Variants in GM2A observed in about 807,000 individuals in gnomAD.
The protein encoded by GM2A is ganglioside GM2 activator, also known as GM2 ganglioside activator.
Under a neutral mutation model 12.9 loss-of-function variants are expected in GM2A, and 7 were observed. The ratio of observed to expected loss-of-function variants is 0.54; its 90% CI spans 0.31 to 1.02. GM2A has a LOEUF of 1.02. GM2A is among the 50% of genes least tolerant of loss of function. The probability of loss-of-function intolerance (pLI) is 0.05; values close to 1 mark genes in which losing one functional copy is unlikely to be tolerated. For missense variants in GM2A, 246 were observed against 241.0 expected, an observed-to-expected ratio of 1.02 and a Z score of -0.14; for synonymous variants, 101 against 96.0, an observed-to-expected ratio of 1.05 and a Z score of -0.30.
intron 3 of GM2A, 191 bp from the exon 4 acceptor site, chr5:151,267,105 T>C (rs1386186484): frequency 1.2e-6 from 1 of 858,120 alleles, no homozygotes; most frequent in East Asian, 2.6e-5. Flanking sequence ...TGAACTTAGA[T>C]GTGATCTTCA....
intron 2 of GM2A, among the ~76,000 whole-genome samples, chr5:151,262,583 C>T (rs1001904067): frequency 1.6e-4 from 24 of 152,250 alleles, no homozygotes; most frequent in Admixed American, 1.4e-3. Context: ...AGCTCCCCTG[C>T]ACCTCCTACC....
intron 2 of GM2A, among the ~76,000 whole-genome samples, chr5:151,262,068 A>G (rs1227157884): frequency 1.3e-5 from 2 of 152,178 alleles, no homozygotes; most frequent in African/African-American, 2.4e-5. Flanking sequence ...GTAGATGTCT[A>G]TTCATAAGTT....
At chr5:151,266,687 A>C in intron 2 of GM2A, 44 bp from the exon 3 acceptor site, 1 of 1,468,348 alleles carries the variant, frequency 6.8e-7, no homozygotes, top group Non-Finnish European at 9.5e-7. Flanking sequence ...TGGAATTTAC[A>C]CTTATAACCT....
chr5:151,260,871 G>A (rs1336650145), intron 2 of GM2A, among the ~76,000 whole-genome samples: 2 of 152,020 alleles, frequency 1.3e-5, no homozygotes, highest in African/African-American at 4.8e-5. Context: ...TTATGTGTTT[G>A]TAAATATATA....
chr5:151,257,536 C>T (rs1326362436), intron 1 of GM2A, among the ~76,000 whole-genome samples: 1 of 152,128 alleles, frequency 6.6e-6, no homozygotes, highest in Non-Finnish European at 1.5e-5. Context: ...CTCTTAATTC[C>T]AGGCAATCTT....
rs1753930467 is a variant in GM2A at position 151,268,085 on chromosome 5, G to A, written c.*634G>A. Reference sequence around the variant, plus strand: ...TGTTTACAAACTCAGGTACCCGCAGGGCCTAGCAAGAGACTTAAATGACTG... The same window carrying A: ...TGTTTACAAACTCAGGTACCCGCAGAGCCTAGCAAGAGACTTAAATGACTG... On this transcript the variant is annotated 3_prime_UTR_variant, in exon 4 of 4. Transcript: ENST00000357164. 2 of 993,996 alleles carry A rather than the reference G, an allele frequency of 2.0e-6. No homozygotes were observed. The highest frequency in any genetic ancestry group is 8.9e-5 in the South Asian group (2 of 22,362). The allele number at this position is 993,996 out of a possible 1,614,324, so 61.6% of individuals were successfully genotyped here. A position where few individuals can be genotyped will look rare whatever the true frequency, so the allele number is the denominator to read the frequency against.
At chr5:151,263,089 C>CTTTTTTTTT (rs869289721) in intron 2 of GM2A, among the ~76,000 whole-genome samples, 1 of 119,556 alleles carries the variant, frequency 8.4e-6, no homozygotes, top group Non-Finnish European at 1.7e-5. Flanking sequence ...TCCCCAATTT[C>CTTTTTTTTT]TTTTTTTTTT....
intron 2 of GM2A, among the ~76,000 whole-genome samples, chr5:151,262,537 G>T (rs1212544021): frequency 1.3e-5 from 2 of 152,182 alleles, no homozygotes; most frequent in African/African-American, 4.8e-5. Flanking sequence ...GCAGTCTCTT[G>T]ACCCAGACAC....
In GM2A at chr5:151,268,161, C is replaced by CTTTTT; in HGVS notation, c.*719_*723dup. On this transcript the variant is annotated 3_prime_UTR_variant, in exon 4 of 4. Transcript: ENST00000357164. ...TTCCAGGCTTGATTTCGATTTTTCG[C>CTTTTT]TTTTTTTTTTTTTGAGACAGAATCT... 1.2e-6 allele frequency: 1 copy of CTTTTT among 844,684 alleles called. No individual in the cohort carries two copies. The highest frequency in any genetic ancestry group is 1.4e-6 in the Non-Finnish European group (1 of 709,336). 52.3% of individuals were successfully genotyped at this position (844,684 alleles called of 1,614,324 possible).
intron 2 of GM2A, among the ~76,000 whole-genome samples, chr5:151,264,664 A>G (rs1171336750): frequency 6.6e-6 from 1 of 152,104 alleles, no homozygotes; most frequent in African/African-American, 2.4e-5. Flanking sequence ...AGAGGTAGGC[A>G]CTCTAAAATA....
intron 2 of GM2A, among the ~76,000 whole-genome samples, chr5:151,260,643 T>C (rs1047512046): frequency 2.0e-5 from 3 of 152,090 alleles, no homozygotes; most frequent in Non-Finnish European, 2.9e-5. Context: ...ATAAAATAAA[T>C]CACTTGAAAT....
intron 1 of GM2A, among the ~76,000 whole-genome samples, chr5:151,255,976 A>G (rs1241783320): frequency 1.3e-5 from 2 of 152,100 alleles, no homozygotes; most frequent in African/African-American, 2.4e-5. Context: ...ATCACACAGC[A>G]CCTACATCTT....
intron 2 of GM2A, among the ~76,000 whole-genome samples, chr5:151,264,354 G>C (rs1370975413): frequency 1.6e-4 from 24 of 152,186 alleles, no homozygotes; most frequent in Admixed American, 1.6e-3. Flanking sequence ...TGTCGTGCTG[G>C]TCCTGTGCTG....
At position 151,268,166 on chromosome 5, in the gene GM2A, T is replaced by TA. The variant is rs1753932545; in HGVS notation, c.*715_*716insA. On this transcript the variant is annotated 3_prime_UTR_variant, in exon 4 of 4. Transcript: ENST00000357164. ...GGCTTGATTTCGATTTTTCGCTTTT[T>TA]TTTTTTTTGAGACAGAATCTCACTT... 1 of 982,206 alleles carries TA rather than the reference T, an allele frequency of 1.0e-6. No homozygotes were observed. Among genetic ancestry groups the TA allele is most frequent in the Non-Finnish European group, 1.2e-6 (1 of 827,270 alleles). 60.8% of individuals were successfully genotyped at this position (982,206 alleles called of 1,614,324 possible). A position where few individuals can be genotyped will look rare whatever the true frequency, so the allele number is the denominator to read the frequency against.
In GM2A at chr5:151,269,849, C is replaced by A; in HGVS notation, c.*2398C>A. 1 of 409,454 alleles carries A rather than the reference C, an allele frequency of 2.4e-6. No individual in the cohort carries two copies. The highest frequency in any genetic ancestry group is 3.5e-6 in the Non-Finnish European group (1 of 289,744). The allele number at this position is 409,454 out of a possible 1,614,324, so 25.4% of individuals were successfully genotyped here. On this transcript the variant is annotated 3_prime_UTR_variant, in exon 4 of 4. Coordinates refer to ENST00000357164, the MANE Select transcript of GM2A (RefSeq NM_000405.5). ...CATGGCAGTCTTCTGCAGCATTCTT[C>A]TAATACCTTTCCTTTTTCAAACCTA...
At chr5:151,266,481 T>C (rs1753887271) in intron 2 of GM2A, among the ~76,000 whole-genome samples, 2 of 150,434 alleles carry the variant, frequency 1.3e-5, no homozygotes, top group East Asian at 1.9e-4. Flanking sequence ...AGTCTATGTA[T>C]AGTTCAGTGT....
At chr5:151,260,442 AC>A (rs1161441900) in intron 2 of GM2A, among the ~76,000 whole-genome samples, 2 of 152,074 alleles carry the variant, frequency 1.3e-5, no homozygotes, top group African/African-American at 4.8e-5. Flanking sequence ...ACATAGTGAA[AC>A]CCCATCTCTA....
In GM2A at chr5:151,270,082, G is replaced by A. The variant is rs1391174191; in HGVS notation, c.*2631G>A. On this transcript the variant is annotated 3_prime_UTR_variant, in exon 4 of 4. Transcript: ENST00000357164. ...CTTTTTATGTCTGCTCTGCTCTTGG[G>A]TCATATGTTCCGTGAGGTTTCTTAG... The A allele has an allele frequency of 8.1e-7, 1 of 1,230,840 alleles. No individual in the cohort carries two copies. Among genetic ancestry groups the A allele is most frequent in the Non-Finnish European group, 1.0e-6 (1 of 987,902 alleles). The allele number at this position is 1,230,840 out of a possible 1,614,324, so 76.2% of individuals were successfully genotyped here.
chr5:151,264,019 C>A (rs186069586), intron 2 of GM2A, among the ~76,000 whole-genome samples: 142 of 152,308 alleles, frequency 9.3e-4, no homozygotes, highest in Admixed American at 3.8e-3. Context: ...TCCATGGGAT[C>A]TGGCATAGTT....
Sources: gnomAD v4.1 joint callset for allele counts (sites outside exome capture counted in the v4.1 genomes callset) on GRCh38, gnomAD v4.1.1 for gene constraint, MANE v1.5 for transcripts, NCBI Gene and HGNC (gene_info 2026-07-23, HGNC 2026-07-21) for gene names.